The following PRIMPOL variants were observed in gnomAD, a reference collection of about 807,000 sequenced individuals.
PRIMPOL encodes DNA-directed primase/polymerase protein.
PRIMPOL carries 54 observed loss-of-function variants against 63.6 expected under a neutral mutation model. The ratio of observed to expected loss-of-function variants is 0.85; its 90% confidence interval spans 0.68 to 1.07. The LOEUF is 1.07. PRIMPOL is among the 50% of genes least tolerant of loss of function. The pLI, the probability that PRIMPOL is intolerant of heterozygous loss-of-function variation, is 0.00. For synonymous variants in PRIMPOL, 197 were observed against 220.2 expected, an observed-to-expected ratio of 0.89 and a Z score of 0.93; for missense variants, 610 against 648.3, an observed-to-expected ratio of 0.94 and a Z score of 0.64.
At chr4:184,654,181 C>T (rs188755024) in intron 2 of PRIMPOL, among the ~76,000 whole-genome samples, 41 of 152,284 alleles carry the variant, frequency 2.7e-4, no homozygotes, top group African/African-American at 9.1e-4. Flanking sequence ...TTCAGTGTCA[C>T]GAAGTACGAA....
In PRIMPOL at chr4:184,694,607, C is replaced by G; in HGVS notation, c.1511C>G (p.Ser504Ter). The change falls in exon 14 of 14, where the codon TCA (serine) becomes TGA (stop). Residue 504 changes from serine to a stop codon, truncating the protein, a stop_gained. Transcript: ENST00000314970. LOFTEE classifies it low-confidence loss of function (END_TRUNC). ...NPHKPSPSRL[S>*]TGASADAVWD... ...CATAAACCATCACCTAGCAGGCTGT[C>G]AACAGGTGCATCTGCTGATGCTGTC... 6.2e-7 allele frequency: 1 copy of G among 1,614,164 alleles called. No homozygotes were observed. The highest frequency in any genetic ancestry group is 8.5e-7 in the Non-Finnish European group (1 of 1,180,002).
In PRIMPOL at chr4:184,661,855, T is replaced by G. The variant is rs751350045; in HGVS notation, c.360T>G (p.Pro120=). 2 of 1,613,748 alleles carry G rather than the reference T, an allele frequency of 1.2e-6. No individual in the cohort carries two copies. The highest frequency in any genetic ancestry group is 2.7e-5 in the African/African-American group (2 of 74,930). The part of the protein sequence containing the change: ...KLYFDLEFNK[P]ANPGADGKKM... The stretch of plus-strand genomic sequence containing the variant: ...ATTTTGATTTGGAATTTAACAAACC[T>G]GCCAACCCAGGAGCTGATGGGAAAA... Residue 120 remains proline (P), a synonymous_variant, in exon 5 of 14, where the codon CCT becomes CCG. Coordinates refer to ENST00000314970, the MANE Select transcript of PRIMPOL (RefSeq NM_152683.4).
rs2150193570 is a variant in PRIMPOL at position 184,694,666 on chromosome 4, G to A, written c.1570G>A (p.Glu524Lys). The A allele has an allele frequency of 6.2e-7, 1 of 1,614,142 alleles. No homozygotes were observed. The highest frequency in any genetic ancestry group is 8.5e-7 in the Non-Finnish European group (1 of 1,180,018). Residue 524 changes from glutamate (E) to lysine (K), a missense_variant, in exon 14 of 14, where the codon GAA becomes AAA. This residue lies in a region of PRIMPOL where 444 missense variants were observed against 456.4 expected (regional missense o/e 0.97). Transcript: ENST00000314970. ...TGGCATTGATGATGCTTATTTTTTA[G>A]AAGCTACTGAAGATGCTGAATTAGC... is the stretch of plus-strand genomic sequence containing the variant. ...DNGIDDAYFL[E>K]ATEDAELAEA...
chr4:184,659,485 C>T (rs1357295215), intron 4 of PRIMPOL, 48 bp downstream of exon 4: 2 of 1,371,278 alleles, frequency 1.5e-6, no homozygotes, highest in South Asian at 1.2e-5. Context: ...GTTCCATTTC[C>T]TTTGCCTAGG....
intron 6 of PRIMPOL, among the ~76,000 whole-genome samples, chr4:184,667,130 C>T (rs529698812): frequency 3.9e-5 from 6 of 152,158 alleles, no homozygotes; most frequent in Non-Finnish European, 5.9e-5. Flanking sequence ...AACCTGATTT[C>T]TGGATTAGGG....
intron 2 of PRIMPOL, among the ~76,000 whole-genome samples, chr4:184,656,316 A>G (rs2720382): frequency 1.3e-5 from 2 of 151,942 alleles, no homozygotes; most frequent in Non-Finnish European, 2.9e-5. Flanking sequence ...TTTAGGTGCC[A>G]TCTCTTGATG....
chr4:184,670,545 ATTTT>A (rs57234973), intron 6 of PRIMPOL, among the ~76,000 whole-genome samples: 2 of 136,676 alleles, frequency 1.5e-5, no homozygotes, highest in Non-Finnish European at 1.6e-5. Flanking sequence ...TAGGAAAGTA[ATTTT>A]TTTTTTTTTT....
rs113784451 is a variant in PRIMPOL, at chr4:184,653,147, A to G, written c.-60+1047A>G. Among the ~76,000 whole-genome samples, 534 of 147,684 alleles carry G rather than the reference A, an allele frequency of 3.6e-3. 9 individuals are homozygous for G. Among genetic ancestry groups the G allele is most frequent in the African/African-American group, 0.014 (506 of 37,354 alleles). On this transcript the variant is annotated intron_variant, in intron 2 of 13. Transcript: ENST00000314970. The stretch of plus-strand genomic sequence containing the variant: ...GTAGGTGAGAAAGAAAGAAACTGAG[A>G]GAACTAGGCTAGGAAGAACCATGGC...
chr4:184,687,139 C>T (rs1757186008), intron 11 of PRIMPOL, among the ~76,000 whole-genome samples: 1 of 152,146 alleles, frequency 6.6e-6, no homozygotes, highest in South Asian at 2.1e-4. Context: ...GGCATGATCT[C>T]AGCTCACTGC....
intron 11 of PRIMPOL, among the ~76,000 whole-genome samples, chr4:184,689,418 A>G (rs965699680): frequency 7.7e-6 from 1 of 129,968 alleles, no homozygotes; most frequent in African/African-American, 3.0e-5. Flanking sequence ...CCCAACTCAT[A>G]CCTTGTTCTC....
At chr4:184,655,764 A>C (rs1746253164) in intron 2 of PRIMPOL, among the ~76,000 whole-genome samples, 2 of 152,246 alleles carry the variant, frequency 1.3e-5, no homozygotes, top group African/African-American at 4.8e-5. Flanking sequence ...TACCAAAGAA[A>C]TAGGACTTCA....
intron 9 of PRIMPOL, among the ~76,000 whole-genome samples, chr4:184,683,951 T>C (rs1403877590): frequency 6.6e-6 from 1 of 152,150 alleles, no homozygotes; most frequent in Non-Finnish European, 1.5e-5. Context: ...TCTCTAAAAT[T>C]ATGTGTATGG....
intron 5 of PRIMPOL, among the ~76,000 whole-genome samples, chr4:184,663,813 AT>A (rs34528225): frequency 0.56 from 85,790 of 152,110 alleles, 26,520 homozygotes; most frequent in Non-Finnish European, 0.71. Flanking sequence ...TTACATTGAA[AT>A]TAATTTCATT....
At chr4:184,651,239 T>C (rs2696040) in intron 1 of PRIMPOL, among the ~76,000 whole-genome samples, 147,954 of 151,248 alleles carry the variant, frequency 0.98, 72,453 homozygotes, top group Non-Finnish European at 1. Context: ...TGCAGTGAGC[T>C]GAGATTGCGC....
At chr4:184,666,345 C>G (rs1156782153) in intron 6 of PRIMPOL, among the ~76,000 whole-genome samples, 1 of 152,126 alleles carries the variant, frequency 6.6e-6, no homozygotes, top group Non-Finnish European at 1.5e-5. Flanking sequence ...TGCCTGTAGT[C>G]CCAGCTACTC....
intron 7 of PRIMPOL, among the ~76,000 whole-genome samples, chr4:184,674,034 A>C (rs967240447): frequency 6.6e-5 from 10 of 152,144 alleles, no homozygotes; most frequent in African/African-American, 2.2e-4. Flanking sequence ...AGTGAGGGAG[A>C]GTGCGTAACA....
intron 11 of PRIMPOL, among the ~76,000 whole-genome samples, chr4:184,688,141 G>A (rs1454844371): frequency 3.3e-5 from 5 of 152,162 alleles, no homozygotes; most frequent in African/African-American, 7.2e-5. Context: ...GGTGGGAACC[G>A]TGTTGTACAT....
chr4:184,691,210 AT>A (rs1197041472), intron 11 of PRIMPOL, among the ~76,000 whole-genome samples: 1 of 152,024 alleles, frequency 6.6e-6, no homozygotes, highest in African/African-American at 2.4e-5. Context: ...GGTCCTGTCC[AT>A]TTTTGCTCAC....
At chr4:184,664,916 C>T (rs1482060220) in intron 5 of PRIMPOL, among the ~76,000 whole-genome samples, 2 of 152,052 alleles carry the variant, frequency 1.3e-5, no homozygotes, top group Non-Finnish European at 2.9e-5. Flanking sequence ...TCAAGGAAGC[C>T]CTCTCTGAGA....
Sources: gnomAD v4.1 joint callset for allele counts (sites outside exome capture counted in the v4.1 genomes callset) on GRCh38, gnomAD v4.1.1 for gene constraint, gnomAD v4.1.1 regional missense constraint, MANE v1.5 for transcripts, NCBI Gene and HGNC (gene_info 2026-07-23, HGNC 2026-07-21) for gene names.